KIAA1549L: variants seen among roughly 807,000 people sequenced by gnomAD.
The protein encoded by KIAA1549L is UPF0606 protein KIAA1549L.
KIAA1549L carries 88 observed loss-of-function variants against 160.7 expected under a neutral mutation model. The ratio of observed to expected loss-of-function variants is 0.55; its 90% CI spans 0.46 to 0.65. The LOEUF is 0.65. Among genes scored for constraint, KIAA1549L ranks in the 30% least tolerant of loss-of-function variants. The pLI is 0.00. For missense variants in KIAA1549L, 2,258 were observed against 2,437.5 expected (o/e 0.93, Z 1.55); for synonymous variants, 950 against 976.7 (o/e 0.97, Z 0.51).
chr11:33,481,652 C>T (rs907817915), intron 1 of KIAA1549L, among the ~76,000 whole-genome samples: 2 of 152,182 alleles, frequency 1.3e-5, no homozygotes, highest in Admixed American at 6.5e-5. Context: ...GCTCCACGTA[C>T]GTTCAATAAC....
At chr11:33,648,139 C>T (rs368208606) in intron 17 of KIAA1549L, among the ~76,000 whole-genome samples, 21 of 151,686 alleles carry the variant, frequency 1.4e-4, no homozygotes, top group African/African-American at 4.4e-4. Flanking sequence ...GGACTACAGG[C>T]GCATACCACC....
chr11:33,581,707 G>A (rs1044366577), intron 10 of KIAA1549L, among the ~76,000 whole-genome samples: 1 of 151,958 alleles, frequency 6.6e-6, no homozygotes, highest in Non-Finnish European at 1.5e-5. Flanking sequence ...TCACCTTTAG[G>A]CATGACTTTG....
intron 16 of KIAA1549L, among the ~76,000 whole-genome samples, chr11:33,631,495 C>T (rs185147141): frequency 0.02 from 3,035 of 152,260 alleles, 120 homozygotes; most frequent in African/African-American, 0.069. Flanking sequence ...CTGTACGTTA[C>T]AGGGTTTTTA....
chr11:33,437,043 A>G (rs895549726), intron 1 of KIAA1549L, among the ~76,000 whole-genome samples: 2 of 152,214 alleles, frequency 1.3e-5, no homozygotes, highest in South Asian at 2.1e-4. Flanking sequence ...TAAGTACTCT[A>G]TGCGGTAGTT....
At chr11:33,665,109 C>A (rs906670560) in intron 20 of KIAA1549L, 2 of 152,308 alleles carry the variant, frequency 1.3e-5, no homozygotes, top group African/African-American at 4.8e-5. Context: ...GTTATGGGAT[C>A]TTTGGGGTAT....
intron 1 of KIAA1549L, among the ~76,000 whole-genome samples, chr11:33,416,901 A>G (rs938615665): frequency 2.0e-5 from 3 of 152,194 alleles, no homozygotes; most frequent in Admixed American, 6.5e-5. Context: ...AGAGCCTTCT[A>G]TTCAGAAAAC....
At position 33,574,717 on chromosome 11, in the gene KIAA1549L, C is replaced by A. The variant is rs1855385430; in HGVS notation, c.4246C>A (p.Arg1416Ser). 5 of 1,610,546 alleles carry A rather than the reference C, an allele frequency of 3.1e-6. No homozygotes were observed. Among genetic ancestry groups the A allele is most frequent in the Non-Finnish European group, 4.2e-6 (5 of 1,177,900 alleles). The change falls in exon 10 of 21, where the codon CGT (arginine) becomes AGT (serine). Residue 1416 changes from arginine to serine, a missense_variant. Arg to Ser is a moderately radical substitution (Grantham distance 110). This residue lies in a region of KIAA1549L where 1,359 missense variants were observed against 1,546.6 expected (regional missense o/e 0.88). Coordinates refer to ENST00000658780, the MANE Select transcript of KIAA1549L (RefSeq NM_012194.3). ...TTTCCGAAAGATGGTGAAGATGCAG[C>A]GTGTCCCAGGCCCGAAGGACCCAGC... ...SYTVQMVKMQRVPGPKDPAEL... is the reference protein window; with the variant it reads ...SYTVQMVKMQSVPGPKDPAEL...
chr11:33,412,932 C>T (rs1850812424), intron 1 of KIAA1549L, among the ~76,000 whole-genome samples: 1 of 151,862 alleles, frequency 6.6e-6, no homozygotes, highest in Non-Finnish European at 1.5e-5. Context: ...GGGTTTGGAC[C>T]CAGGAAGTCT....
chr11:33,391,566 T>G (rs1046057208), intron 1 of KIAA1549L, among the ~76,000 whole-genome samples: 2 of 152,252 alleles, frequency 1.3e-5, no homozygotes, highest in African/African-American at 4.8e-5. Context: ...AAGGCCTGTC[T>G]GATTGGCTCT....
intron 1 of KIAA1549L, among the ~76,000 whole-genome samples, chr11:33,386,984 A>G (rs983344878): frequency 6.6e-6 from 1 of 151,582 alleles, no homozygotes; most frequent in African/African-American, 2.4e-5. Flanking sequence ...GTGCACACCT[A>G]TAGTCCCAGC....
At chr11:33,455,439 G>A (rs1298873124) in intron 1 of KIAA1549L, among the ~76,000 whole-genome samples, 1 of 152,150 alleles carries the variant, frequency 6.6e-6, no homozygotes. Flanking sequence ...AAGTCAGGGG[G>A]AGACAAGATT....
At chr11:33,474,026 A>G (rs1209901932) in intron 1 of KIAA1549L, among the ~76,000 whole-genome samples, 4 of 152,120 alleles carry the variant, frequency 2.6e-5, no homozygotes, top group African/African-American at 4.8e-5. Flanking sequence ...AGCATCTCAC[A>G]TGGAAAGAGT....
chr11:33,544,645 T>C, intron 2 of KIAA1549L, 122 bp from the exon 3 acceptor site: 1 of 1,327,564 alleles, frequency 7.5e-7, no homozygotes, highest in Middle Eastern at 1.9e-4. Flanking sequence ...TTCTGTCCAC[T>C]GCAAGCCCAG....
At chr11:33,473,266 A>G (rs1233298620) in intron 1 of KIAA1549L, among the ~76,000 whole-genome samples, 1 of 152,194 alleles carries the variant, frequency 6.6e-6, no homozygotes, top group East Asian at 1.9e-4. Flanking sequence ...GCTTCCGTCT[A>G]GTGGGAAAGG....
rs992980575 is a variant in KIAA1549L at position 33,672,134 on chromosome 11, A to T, written c.*3980A>T. 6.6e-6 allele frequency: 1 copy of T among 152,216 alleles called. No individual in the cohort carries two copies. The highest frequency in any genetic ancestry group is 2.4e-5 in the African/African-American group (1 of 41,450). 9.4% of individuals were successfully genotyped at this position (152,216 alleles called of 1,614,324 possible). On this transcript the variant is annotated 3_prime_UTR_variant, in exon 21 of 21. Coordinates refer to ENST00000658780, the MANE Select transcript of KIAA1549L (RefSeq NM_012194.3). ...CTACAGGAAAGGGATGGAGACAGCTACCTTTGCTCTTGCTCTCACATTCTC... is the reference window on the plus strand; with the variant it reads ...CTACAGGAAAGGGATGGAGACAGCTTCCTTTGCTCTTGCTCTCACATTCTC...
chr11:33,391,893 C>G (rs1319803859), intron 1 of KIAA1549L, among the ~76,000 whole-genome samples: 1 of 152,162 alleles, frequency 6.6e-6, no homozygotes, highest in African/African-American at 2.4e-5. Flanking sequence ...TTACAAGATT[C>G]TTCTTTCACA....
At chr11:33,663,728 A>G (rs538024074) in intron 20 of KIAA1549L, among the ~76,000 whole-genome samples, 1 of 152,286 alleles carries the variant, frequency 6.6e-6, no homozygotes, top group South Asian at 2.1e-4. Flanking sequence ...TCAGAACCCC[A>G]GGTTCTGAGA....
At chr11:33,408,048 G>A (rs1055502333) in intron 1 of KIAA1549L, among the ~76,000 whole-genome samples, 2 of 151,980 alleles carry the variant, frequency 1.3e-5, no homozygotes, top group Admixed American at 6.6e-5. Context: ...CTTCTCAAGG[G>A]GTGTTAAGAT....
At chr11:33,506,590 C>T (rs1853095518) in intron 1 of KIAA1549L, among the ~76,000 whole-genome samples, 2 of 151,592 alleles carry the variant, frequency 1.3e-5, no homozygotes, top group South Asian at 2.1e-4. Context: ...GGCATGGTGG[C>T]ATTTAGTCCT....
Sources: allele counts gnomAD v4.1 joint callset (sites outside exome capture counted in the v4.1 genomes callset), GRCh38; gene constraint gnomAD v4.1.1; regional missense constraint gnomAD v4.1.1; transcripts MANE v1.5; gene names NCBI Gene and HGNC (gene_info 2026-07-23, HGNC 2026-07-21).